Variants in AEBP2 observed in about 807,000 individuals in gnomAD.
AEBP2 encodes the protein AE binding protein 2, also known as zinc finger protein AEBP2.
In AEBP2, 10 loss-of-function variants were observed where a neutral mutation model predicts 50.8. The observed-to-expected ratio is 0.20, with a 90% CI of 0.12 to 0.33. The LOEUF (loss-of-function observed/expected upper bound fraction) is 0.33, where lower values mean the gene tolerates loss of function less well. AEBP2 is among the 10% of genes least tolerant of loss of function. AEBP2 has a pLI of 1.00. For missense variants in AEBP2, 570 were observed against 688.0 expected, an observed-to-expected ratio of 0.83 and a Z score of 1.92; for synonymous variants, 296 against 261.3, an observed-to-expected ratio of 1.13 and a Z score of -1.28.
At chr12:19,406,427 C>T (rs963440279) in intron 1 of AEBP2, among the ~76,000 whole-genome samples, 4 of 152,064 alleles carry the variant, frequency 2.6e-5, no homozygotes, top group Non-Finnish European at 4.4e-5. Context: ...GATAAATAGA[C>T]GCACACTTTG....
intron 2 of AEBP2, among the ~76,000 whole-genome samples, chr12:19,467,443 G>A (rs377143450): frequency 7.0e-4 from 106 of 152,106 alleles, no homozygotes; most frequent in Non-Finnish European, 1.3e-3. Flanking sequence ...ACAGGTGTGC[G>A]CCACCACACC....
At chr12:19,494,196 A>C (rs897188137) in intron 4 of AEBP2, among the ~76,000 whole-genome samples, 1 of 152,174 alleles carries the variant, frequency 6.6e-6, no homozygotes, top group Non-Finnish European at 1.5e-5. Flanking sequence ...AAACTGTATA[A>C]AATTAGATTT....
upstream of AEBP2, among the ~76,000 whole-genome samples, chr12:19,436,131 G>A (rs1453352599): frequency 6.6e-6 from 1 of 152,148 alleles, no homozygotes. Flanking sequence ...AAACCAAGAT[G>A]CGATGTAAGT....
chr12:19,515,756 C>T (rs12229351), intron 7 of AEBP2, among the ~76,000 whole-genome samples: 3,270 of 152,122 alleles, frequency 0.021, 42 homozygotes, highest in East Asian at 0.042. Context: ...AGTGAAATTC[C>T]AACATAATGG....
intron 3 of AEBP2, among the ~76,000 whole-genome samples, chr12:19,491,387 A>G (rs1948893302): frequency 6.6e-6 from 1 of 152,152 alleles, no homozygotes; most frequent in African/African-American, 2.4e-5. Flanking sequence ...GGTTTCCCAT[A>G]GCCCTGTGCT....
intron 1 of AEBP2, among the ~76,000 whole-genome samples, chr12:19,458,718 C>G (rs1948317410): frequency 6.6e-6 from 1 of 152,110 alleles, no homozygotes; most frequent in Admixed American, 6.5e-5. Flanking sequence ...CTCTCTTAAC[C>G]TTACTGTGTC....
intron 2 of AEBP2, among the ~76,000 whole-genome samples, chr12:19,466,187 A>G (rs775185764): frequency 1.9e-4 from 29 of 152,072 alleles, no homozygotes; most frequent in Admixed American, 1.3e-4. Context: ...AAAAACAAAA[A>G]CATTTTCGGC....
At position 19,501,331 on chromosome 12, in the gene AEBP2, C is replaced by CAA. The variant is rs568690588; in HGVS notation, c.1299+1127_1299+1128dup. 5.7e-3 allele frequency among the ~76,000 whole-genome samples: 470 copies of CAA among 82,174 alleles called. 4 individuals are homozygous for CAA. The highest frequency in any genetic ancestry group is 0.02 in the African/African-American group (441 of 22,454). The allele number at this position is 82,174 out of a possible 152,430, so 53.9% of individuals were successfully genotyped here. ...AGGCAGCAAGAGCGAAACTCCATCT[C>CAA]AAAAAAAAAAAAAAAAAATACAGCC... is the stretch of plus-strand genomic sequence containing the variant. On this transcript the variant is annotated intron_variant, in intron 5 of 7. Transcript: ENST00000266508.
At chr12:19,452,706 T>C (rs1399475903) in intron 1 of AEBP2, among the ~76,000 whole-genome samples, 1 of 152,146 alleles carries the variant, frequency 6.6e-6, no homozygotes, top group Non-Finnish European at 1.5e-5. Context: ...TCAGAGTTCT[T>C]AAGATATAGG....
chr12:19,440,491 C>G, intron 1 of AEBP2, 121 bp downstream of exon 1: 16 of 1,411,822 alleles, frequency 1.1e-5, no homozygotes, highest in Non-Finnish European at 1.5e-5. Flanking sequence ...GGCCCCTCCC[C>G]CAGACTCTCA....
intron 2 of AEBP2, 89 bp from the exon 3 acceptor site, chr12:19,473,159 G>A (rs944918556): frequency 4.1e-6 from 2 of 489,568 alleles, no homozygotes; most frequent in Admixed American, 4.4e-5. Flanking sequence ...CAGTTGAAGA[G>A]TTGTAACATG....
At chr12:19,496,683 A>T (rs1948987028) in intron 4 of AEBP2, among the ~76,000 whole-genome samples, 1 of 141,398 alleles carries the variant, frequency 7.1e-6, no homozygotes. Context: ...TTTTTCTGAG[A>T]CAGGGTCTCT....
intron 1 of AEBP2, among the ~76,000 whole-genome samples, chr12:19,411,884 C>T (rs773436869): frequency 1.3e-5 from 2 of 152,232 alleles, no homozygotes; most frequent in Non-Finnish European, 2.9e-5. Flanking sequence ...AGAACAGACT[C>T]AGACCATGTA....
chr12:19,493,546 A>G (rs1948925844), intron 3 of AEBP2, among the ~76,000 whole-genome samples: 1 of 152,196 alleles, frequency 6.6e-6, no homozygotes, highest in African/African-American at 2.4e-5. Flanking sequence ...TTTGTATTGC[A>G]TATAGTGGAA....
At chr12:19,456,439 C>T in intron 1 of AEBP2, 1 of 1,417,046 alleles carries the variant, frequency 7.1e-7, no homozygotes. Context: ...ACGTTGGCAG[C>T]ATCACCAGAG....
chr12:19,448,570 T>A (rs1420690135), intron 1 of AEBP2, among the ~76,000 whole-genome samples: 1 of 152,220 alleles, frequency 6.6e-6, no homozygotes, highest in Non-Finnish European at 1.5e-5. Flanking sequence ...TAGCCTGTAT[T>A]CATTCTCAGT....
chr12:19,406,609 A>G (rs1484692811), intron 1 of AEBP2, among the ~76,000 whole-genome samples: 2 of 146,450 alleles, frequency 1.4e-5, no homozygotes, highest in African/African-American at 2.5e-5. Context: ...TGAACCCAGG[A>G]GGCGGAGGTT....
In AEBP2 at chr12:19,521,366, A is replaced by T. The variant is rs1384287109; in HGVS notation, c.*3249A>T. 6.6e-6 allele frequency: 1 copy of T among 152,160 alleles called. No individual in the cohort carries two copies. The highest frequency in any genetic ancestry group is 1.5e-5 in the Non-Finnish European group (1 of 68,008). 9.4% of individuals were successfully genotyped at this position (152,160 alleles called of 1,614,324 possible). On this transcript the variant is annotated 3_prime_UTR_variant, in exon 8 of 8. Transcript: ENST00000266508. ...TTGGAAACTTTTACGGTGGGTTTTT[A>T]AAGTTATTAATAGTCCATCATTTCA...
At chr12:19,474,632 G>T (rs1269563503) in intron 3 of AEBP2, among the ~76,000 whole-genome samples, 1 of 151,956 alleles carries the variant, frequency 6.6e-6, no homozygotes, top group Non-Finnish European at 1.5e-5. Flanking sequence ...AATACTGTCT[G>T]TGCCTTGCTT....
Sources: gnomAD v4.1 joint callset for allele counts (sites outside exome capture counted in the v4.1 genomes callset) on GRCh38, gnomAD v4.1.1 for gene constraint, MANE v1.5 for transcripts, NCBI Gene and HGNC (gene_info 2026-07-23, HGNC 2026-07-21) for gene names.